ROBO2: variants seen among roughly 807,000 people sequenced by gnomAD.
ROBO2 encodes the protein roundabout homolog 2.
In ROBO2, 53 loss-of-function variants were observed where a neutral mutation model predicts 160.8. The observed-to-expected ratio is 0.33, with a 90% CI of 0.26 to 0.41. The LOEUF (loss-of-function observed/expected upper bound fraction) is 0.41. Ranked by LOEUF, ROBO2 falls within the 10% of genes least tolerant of loss-of-function variation. The pLI, the probability that ROBO2 is intolerant of heterozygous loss-of-function variation, is 1.00. For missense variants in ROBO2, 1,577 were observed against 1,722.4 expected, an observed-to-expected ratio of 0.92 and a Z score of 1.49; for synonymous variants, 664 against 611.7, an observed-to-expected ratio of 1.09 and a Z score of -1.26.
At chr3:77,284,180 A>G (rs2060428893) in intron 2 of ROBO2, among the ~76,000 whole-genome samples, 1 of 152,184 alleles carries the variant, frequency 6.6e-6, no homozygotes, top group African/African-American at 2.4e-5. Context: ...TTTGTGCTAC[A>G]ACAATAGAGC....
intron 2 of ROBO2, among the ~76,000 whole-genome samples, chr3:76,964,487 C>A (rs1484992684): frequency 1.3e-5 from 2 of 152,030 alleles, no homozygotes; most frequent in Non-Finnish European, 2.9e-5. Context: ...GGATTACAGG[C>A]ACACGCCACC....
At chr3:77,170,393 A>G (rs1370976400) in intron 2 of ROBO2, among the ~76,000 whole-genome samples, 1 of 152,152 alleles carries the variant, frequency 6.6e-6, no homozygotes, top group African/African-American at 2.4e-5. Flanking sequence ...AGAATATTGC[A>G]TTTAGGTGGC....
At chr3:77,350,348 C>A (rs934035194) in intron 2 of ROBO2, among the ~76,000 whole-genome samples, 1 of 151,900 alleles carries the variant, frequency 6.6e-6, no homozygotes, top group Non-Finnish European at 1.5e-5. Context: ...AATGTGGGAC[C>A]CTGTCTTGAA....
chr3:76,482,080 T>C (rs370269542), intron 2 of ROBO2, among the ~76,000 whole-genome samples: 3 of 152,178 alleles, frequency 2.0e-5, no homozygotes, highest in South Asian at 4.1e-4. Context: ...AAATCTTGAA[T>C]AGGAGCTGCC....
chr3:77,341,873 A>G (rs1332710393), intron 2 of ROBO2, among the ~76,000 whole-genome samples: 3 of 152,044 alleles, frequency 2.0e-5, no homozygotes, highest in Non-Finnish European at 4.4e-5. Flanking sequence ...AATATATTGT[A>G]GTTCTTTTCA....
chr3:76,676,971 A>C (rs1398171813), intron 2 of ROBO2, among the ~76,000 whole-genome samples: 1 of 152,140 alleles, frequency 6.6e-6, no homozygotes, highest in East Asian at 1.9e-4. Flanking sequence ...GATTAATTTT[A>C]CTGTATCATT....
intron 2 of ROBO2, among the ~76,000 whole-genome samples, chr3:76,412,209 C>T (rs35391736): frequency 0.34 from 52,299 of 151,934 alleles, 10,152 homozygotes; most frequent in South Asian, 0.45. Flanking sequence ...ACACCAACCC[C>T]GTCATTCATT....
intron 2 of ROBO2, among the ~76,000 whole-genome samples, chr3:76,288,409 C>A (rs958216147): frequency 2.6e-5 from 4 of 151,828 alleles, no homozygotes; most frequent in African/African-American, 9.7e-5. Context: ...ACCTAAAATA[C>A]CCATTTTTTT....
At chr3:76,596,331 T>A (rs2086730560) in intron 2 of ROBO2, among the ~76,000 whole-genome samples, 1 of 152,056 alleles carries the variant, frequency 6.6e-6, no homozygotes, top group Non-Finnish European at 1.5e-5. Flanking sequence ...GGCACCAGTA[T>A]CACCATAAGT....
intron 2 of ROBO2, among the ~76,000 whole-genome samples, chr3:76,446,086 G>C (rs1232165971): frequency 6.6e-6 from 1 of 152,150 alleles, no homozygotes; most frequent in Non-Finnish European, 1.5e-5. Flanking sequence ...ATTAGGAAAA[G>C]AGGAAGTCAA....
At chr3:76,568,541 C>G (rs1024969180) in intron 2 of ROBO2, among the ~76,000 whole-genome samples, 1 of 150,910 alleles carries the variant, frequency 6.6e-6, no homozygotes, top group Non-Finnish European at 1.5e-5. Flanking sequence ...CTCCTGACCT[C>G]GTGATCCACC....
intron 24 of ROBO2, chr3:77,642,928 C>G (rs904053872): frequency 2.2e-6 from 1 of 456,546 alleles, no homozygotes; most frequent in East Asian, 6.9e-5. Context: ...CCCACACAAA[C>G]AAGGTGTCGG....
At chr3:77,618,801 A>G (rs2094837741) in intron 22 of ROBO2, among the ~76,000 whole-genome samples, 1 of 152,164 alleles carries the variant, frequency 6.6e-6, no homozygotes, top group South Asian at 2.1e-4. Context: ...ACATTTTCCA[A>G]CAGTCATCAG....
chr3:76,664,039 A>C (rs1201289354), intron 2 of ROBO2, among the ~76,000 whole-genome samples: 1 of 152,174 alleles, frequency 6.6e-6, no homozygotes, highest in African/African-American at 2.4e-5. Flanking sequence ...TAGAGAAAGC[A>C]TTTTAGTTCC....
At chr3:76,224,391 C>T (rs984313317) in intron 2 of ROBO2, among the ~76,000 whole-genome samples, 4 of 152,138 alleles carry the variant, frequency 2.6e-5, no homozygotes. Context: ...TCTCCAAGAA[C>T]TGGTAACTTC....
At chr3:77,613,187 AAC>A (rs2094689292) in intron 21 of ROBO2, among the ~76,000 whole-genome samples, 1 of 151,948 alleles carries the variant, frequency 6.6e-6, no homozygotes, top group Non-Finnish European at 1.5e-5. Context: ...TGATGCATAT[AAC>A]ACATATTTCT....
At chr3:77,027,960 A>G (rs1248516764) in intron 2 of ROBO2, among the ~76,000 whole-genome samples, 1 of 152,142 alleles carries the variant, frequency 6.6e-6, no homozygotes. Flanking sequence ...CCCAACGACT[A>G]TTAAATCACA....
At chr3:76,881,563 T>C (rs1475183800) in intron 2 of ROBO2, among the ~76,000 whole-genome samples, 2 of 152,192 alleles carry the variant, frequency 1.3e-5, no homozygotes, top group African/African-American at 4.8e-5. Context: ...TTGGAATAAT[T>C]AGAATAATAT....
At chr3:76,772,517 CTT>C (rs5850289) in intron 2 of ROBO2, among the ~76,000 whole-genome samples, 6 of 138,284 alleles carry the variant, frequency 4.3e-5, no homozygotes, top group Non-Finnish European at 4.7e-5. Flanking sequence ...TGGGTTTTTT[CTT>C]TTTTTTTTTT....
Sources: gnomAD v4.1 joint callset for allele counts (sites outside exome capture counted in the v4.1 genomes callset) on GRCh38, gnomAD v4.1.1 for gene constraint, MANE v1.5 for transcripts, NCBI Gene and HGNC (gene_info 2026-07-23, HGNC 2026-07-21) for gene names.